Variants in SLC25A48 observed in about 807,000 individuals in gnomAD.
The protein encoded by SLC25A48 is solute carrier family 25 member 48.
A neutral mutation model predicts 32.2 loss-of-function variants in SLC25A48; 29 were observed. That is an observed-to-expected ratio of 0.90 (90% CI 0.67 to 1.23). The LOEUF (loss-of-function observed/expected upper bound fraction) is 1.23. Among genes scored for constraint, SLC25A48 ranks in the 50% most tolerant of loss-of-function variants. The pLI is 0.00. For synonymous variants in SLC25A48, 164 were observed against 172.3 expected, an observed-to-expected ratio of 0.95 and a Z score of 0.38; for missense variants, 399 against 422.7, an observed-to-expected ratio of 0.94 and a Z score of 0.49.
chr5:135,885,422 T>A (rs1036469027), intron 7 of SLC25A48, among the ~76,000 whole-genome samples: 2 of 152,142 alleles, frequency 1.3e-5, no homozygotes, highest in Non-Finnish European at 2.9e-5. Context: ...ACCCCCAGCA[T>A]CACCAGGAAC....
intron 3 of SLC25A48, among the ~76,000 whole-genome samples, chr5:135,671,217 G>A (rs778563295): frequency 6.6e-6 from 1 of 152,230 alleles, no homozygotes; most frequent in African/African-American, 2.4e-5. Flanking sequence ...TTGGGCTCAA[G>A]CTTGCAATTC....
chr5:135,860,160 G>A (rs987212900), intron 4 of SLC25A48, among the ~76,000 whole-genome samples: 1 of 152,184 alleles, frequency 6.6e-6, no homozygotes, highest in Admixed American at 6.5e-5. Flanking sequence ...AAGGGGGATT[G>A]GCTAGATTAG....
chr5:135,773,886 A>G (rs1756480321), intron 3 of SLC25A48, among the ~76,000 whole-genome samples: 1 of 151,400 alleles, frequency 6.6e-6, no homozygotes, highest in African/African-American at 2.4e-5. Context: ...GTACACCACC[A>G]ATGTGATATT....
chr5:135,579,323 G>C (rs1203104321), exon 1 of SLC25A48: 1 of 156,504 alleles, frequency 6.4e-6, no homozygotes, highest in Non-Finnish European at 1.4e-5. Context: ...ACGGTGGAGA[G>C]GCTGCTGAAG....
intron 3 of SLC25A48, among the ~76,000 whole-genome samples, chr5:135,689,919 G>C (rs750154507): frequency 6.6e-6 from 1 of 152,186 alleles, no homozygotes; most frequent in Non-Finnish European, 1.5e-5. Flanking sequence ...CATAGTTGCT[G>C]TCCTTGAGGA....
intron 2 of SLC25A48, among the ~76,000 whole-genome samples, chr5:135,630,405 T>C (rs1166836475): frequency 1.3e-5 from 2 of 152,090 alleles, no homozygotes; most frequent in Non-Finnish European, 2.9e-5. Context: ...CTCATTCTCA[T>C]GGGGATGAGG....
intron 3 of SLC25A48, among the ~76,000 whole-genome samples, chr5:135,722,919 G>A (rs980219050): frequency 6.6e-6 from 1 of 152,252 alleles, no homozygotes; most frequent in Non-Finnish European, 1.5e-5. Context: ...GCCATCTAGA[G>A]GGAATGAAGC....
chr5:135,713,878 C>T (rs538834702), intron 3 of SLC25A48, among the ~76,000 whole-genome samples: 4 of 152,318 alleles, frequency 2.6e-5, no homozygotes, highest in East Asian at 3.9e-4. Context: ...ATCTTCCCCT[C>T]GAGGAGCCTC....
At position 135,886,646 on chromosome 5, in the gene SLC25A48, ATATGTGTGTGTG is replaced by A. The variant is rs1296105500; in HGVS notation, c.*8-1384_*8-1373del. Among the ~76,000 whole-genome samples, 78 of 36,446 alleles carry A rather than the reference ATATGTGTGTGTG, an allele frequency of 2.1e-3. 5 individuals are homozygous for A. Among genetic ancestry groups the A allele is most frequent in the Admixed American group, 1.5e-3 (6 of 3,976 alleles). The allele number at this position is 36,446 out of a possible 152,430, so 23.9% of individuals were successfully genotyped here. ...ATATATATATATATATAAAATATATATATGTGTGTGTGTGTGTGTGTGTGTGTGAGAGAGAGA... is the reference window on the plus strand; with the variant it reads ...ATATATATATATATATAAAATATATATGTGTGTGTGTGTGTGAGAGAGAGA... On this transcript the variant is annotated intron_variant, in intron 7 of 7. Coordinates refer to ENST00000681962, the MANE Select transcript of SLC25A48 (RefSeq NM_001349336.2).
chr5:135,827,669 C>T (rs1464969080), intron 4 of SLC25A48: 3 of 152,328 alleles, frequency 2.0e-5, no homozygotes, highest in Admixed American at 6.5e-5. Context: ...TTCCCTCTGC[C>T]TCTGTGCCCT....
At position 135,751,278 on chromosome 5, in the gene SLC25A48, A is replaced by G. The variant is rs554325389; in HGVS notation, c.-520-61245A>G. Among the ~76,000 whole-genome samples, 4 of 152,252 alleles carry G rather than the reference A, an allele frequency of 2.6e-5. No homozygotes were observed. In the East Asian group the frequency reaches 7.7e-4, roughly 29 times the overall value. On this transcript the variant is annotated intron_variant, in intron 3 of 10. Transcript: ENST00000646290. Reference sequence around the variant, plus strand: ...TGCAACAGTGTTTGTTTCAGCCGGGATATGCTAGTCTATGCTGCTAAAACA... The same window carrying G: ...TGCAACAGTGTTTGTTTCAGCCGGGGTATGCTAGTCTATGCTGCTAAAACA...
intron 1 of SLC25A48, among the ~76,000 whole-genome samples, chr5:135,614,204 A>G (rs1182089456): frequency 6.6e-6 from 1 of 152,080 alleles, no homozygotes; most frequent in Non-Finnish European, 1.5e-5. Context: ...GTAGCTATTG[A>G]AAATAGGATT....
At chr5:135,635,963 G>A (rs547022111) in intron 3 of SLC25A48, among the ~76,000 whole-genome samples, 1 of 152,306 alleles carries the variant, frequency 6.6e-6, no homozygotes, top group East Asian at 1.9e-4. Flanking sequence ...TACCCAGCCA[G>A]AGTCTGTCAT....
chr5:135,795,116 T>G (rs1757135855), intron 3 of SLC25A48, among the ~76,000 whole-genome samples: 1 of 151,886 alleles, frequency 6.6e-6, no homozygotes. Flanking sequence ...ACCACTCCTG[T>G]GATATTGTTC....
At chr5:135,825,982 G>A (rs1758035464) in intron 4 of SLC25A48, 1 of 152,408 alleles carries the variant, frequency 6.6e-6, no homozygotes, top group East Asian at 1.9e-4. Flanking sequence ...CCCACTGACT[G>A]TCGAGGGATG....
chr5:135,717,795 C>T (rs1754842703), intron 3 of SLC25A48, among the ~76,000 whole-genome samples: 1 of 152,144 alleles, frequency 6.6e-6, no homozygotes, highest in Admixed American at 6.5e-5. Flanking sequence ...TTTCGGACTT[C>T]TTGCCTTCAG....
At chr5:135,768,820 T>TAC (rs1756318211) in intron 3 of SLC25A48, among the ~76,000 whole-genome samples, 11 of 151,840 alleles carry the variant, frequency 7.2e-5, no homozygotes, top group Non-Finnish European at 1.6e-4. Flanking sequence ...TAAAAGAGGA[T>TAC]GATATTACTC....
intron 3 of SLC25A48, among the ~76,000 whole-genome samples, chr5:135,683,494 G>A (rs539976657): frequency 7.8e-6 from 1 of 128,220 alleles, no homozygotes; most frequent in African/African-American, 2.8e-5. Flanking sequence ...AGTGGGATAA[G>A]GAATACATTT....
At chr5:135,788,169 G>A (rs571008744) in intron 3 of SLC25A48, among the ~76,000 whole-genome samples, 120 of 150,552 alleles carry the variant, frequency 8.0e-4, no homozygotes, top group African/African-American at 2.6e-3. Context: ...CCGGGGTGGG[G>A]GGAAGGGTGT....
Sources: gnomAD v4.1 joint callset for allele counts (sites outside exome capture counted in the v4.1 genomes callset) on GRCh38, gnomAD v4.1.1 for gene constraint, MANE v1.5 for transcripts, NCBI Gene and HGNC (gene_info 2026-07-23, HGNC 2026-07-21) for gene names.